The following RARB variants were observed in gnomAD, a reference collection of about 807,000 sequenced individuals.
RARB encodes the protein HBV-activated protein.
A neutral mutation model predicts 51.9 loss-of-function variants in RARB; 17 were observed. The ratio of observed to expected loss-of-function variants is 0.33; its 90% CI spans 0.22 to 0.49. The LOEUF (loss-of-function observed/expected upper bound fraction) is 0.49. Ranked by LOEUF, RARB falls within the 20% of genes least tolerant of loss-of-function variation. The pLI is 0.99. For synonymous variants in RARB, 215 were observed against 195.4 expected (o/e 1.10, Z -0.84); for missense variants, 369 against 550.8 (o/e 0.67, Z 3.30).
At chr3:25,171,126 A>C (rs1278660553) in intron 4 of RARB, among the ~76,000 whole-genome samples, 4 of 152,086 alleles carry the variant, frequency 2.6e-5, no homozygotes, top group Non-Finnish European at 5.9e-5. Flanking sequence ...ACAGATTCTG[A>C]AACTGATACC....
chr3:25,196,479 AT>A (rs1029469329), intron 5 of RARB, among the ~76,000 whole-genome samples: 2 of 152,138 alleles, frequency 1.3e-5, no homozygotes, highest in African/African-American at 4.8e-5. Flanking sequence ...ATTGATGGAC[AT>A]TTGGGTTGGT....
intron 4 of RARB, among the ~76,000 whole-genome samples, chr3:25,171,949 C>G (rs546247147): frequency 2.0e-5 from 3 of 152,020 alleles, no homozygotes; most frequent in Admixed American, 6.6e-5. Context: ...GAGATGAAAC[C>G]GATTCAGAGG....
intron 5 of RARB, among the ~76,000 whole-genome samples, chr3:25,420,747 G>C (rs1707835103): frequency 6.6e-6 from 1 of 152,118 alleles, no homozygotes; most frequent in Non-Finnish European, 1.5e-5. Flanking sequence ...ATGGGTATAT[G>C]AGCAAGTGGA....
intron 3 of RARB, among the ~76,000 whole-genome samples, chr3:25,124,443 T>C (rs1699831833): frequency 6.6e-6 from 1 of 152,188 alleles, no homozygotes; most frequent in Admixed American, 6.5e-5. Flanking sequence ...TCATTTCTTA[T>C]ATAATGAAAA....
chr3:25,533,838 C>T (rs1167393689), intron 3 of RARB, among the ~76,000 whole-genome samples: 25 of 152,180 alleles, frequency 1.6e-4, no homozygotes, highest in Admixed American at 1.6e-3. Context: ...AATGTAAACT[C>T]TTGGGCAAGA....
chr3:25,500,454 G>GTTTTTTTTTTTTCTTTTTTTTTTTT (rs1697244785), intron 2 of RARB, among the ~76,000 whole-genome samples: 1 of 66,144 alleles, frequency 1.5e-5, no homozygotes, highest in East Asian at 6.2e-4. Flanking sequence ...TTCTTTTCTT[G>GTTTTTTTTTTTTCTTTTTTTTTTTT]TTTTTTTTTT....
chr3:25,212,660 G>T (rs1206817073), intron 5 of RARB, among the ~76,000 whole-genome samples: 2 of 152,144 alleles, frequency 1.3e-5, no homozygotes, highest in Non-Finnish European at 1.5e-5. Flanking sequence ...GAGACAATGT[G>T]CTATCCAGAC....
In RARB at chr3:25,270,410, T is replaced by C. The variant is rs548156475; in HGVS notation, c.178+95835T>C. On this transcript the variant is annotated intron_variant, in intron 5 of 11. Coordinates refer to the RARB transcript ENST00000383772. ...CAAATAGTATGTAATTCCACTTATA[T>C]GAGGTACCTAAAGTAGTCAAATTCA... Among the ~76,000 whole-genome samples the C allele has an allele frequency of 2.6e-5, 4 of 152,278 alleles. No homozygotes were observed. In the South Asian group the frequency reaches 6.2e-4, roughly 24 times the overall value.
intron 5 of RARB, among the ~76,000 whole-genome samples, chr3:25,349,329 A>G (rs1437921733): frequency 6.6e-6 from 1 of 152,176 alleles, no homozygotes; most frequent in African/African-American, 2.4e-5. Context: ...TGTTGCCAGC[A>G]CTTTTCGAGG....
At chr3:25,576,415 T>C (rs1451548370) in intron 4 of RARB, among the ~76,000 whole-genome samples, 1 of 152,136 alleles carries the variant, frequency 6.6e-6, no homozygotes, top group Admixed American at 6.5e-5. Context: ...CACTCCAGAA[T>C]TCTAGCATTT....
chr3:24,916,508 T>C (rs1425597375), intron 2 of RARB, among the ~76,000 whole-genome samples: 3 of 152,166 alleles, frequency 2.0e-5, no homozygotes, highest in Non-Finnish European at 4.4e-5. Flanking sequence ...CTACTCCCTC[T>C]AGGTATATTG....
At chr3:25,106,115 GTTGT>G (rs1002013343) in intron 3 of RARB, among the ~76,000 whole-genome samples, 10 of 152,216 alleles carry the variant, frequency 6.6e-5, no homozygotes, top group African/African-American at 2.4e-4. Flanking sequence ...AGCTGAAGAG[GTTGT>G]TTGTTTCCCA....
At position 25,484,071 on chromosome 3, in the gene RARB, T is replaced by C. The variant is rs371579580; in HGVS notation, c.307-17111T>C. 2.2e-4 allele frequency among the ~76,000 whole-genome samples: 34 copies of C among 152,350 alleles called. 1 individual carries two copies. Among genetic ancestry groups the C allele is most frequent in the Middle Eastern group, 3.4e-3 (1 of 294 alleles). ...AATGTTCCGTTAGTGAAGGATGAGC[T>C]AAATTAAAAACTCCTGCTCTTTAGA... On this transcript the variant is annotated intron_variant, in intron 2 of 7. Coordinates refer to ENST00000330688, the MANE Select transcript of RARB (RefSeq NM_000965.5).
At chr3:25,507,484 T>A (rs146325645) in intron 3 of RARB, among the ~76,000 whole-genome samples, 1 of 152,198 alleles carries the variant, frequency 6.6e-6, no homozygotes, top group Non-Finnish European at 1.5e-5. Flanking sequence ...GACATGAGAA[T>A]TGATGCTTTT....
chr3:25,486,042 A>T (rs1696452733), intron 2 of RARB, among the ~76,000 whole-genome samples: 3 of 152,202 alleles, frequency 2.0e-5, no homozygotes, highest in Admixed American at 2.0e-4. Context: ...ATCAGATATG[A>T]TGCAGTTCCA....
intron 5 of RARB, among the ~76,000 whole-genome samples, chr3:25,323,399 T>A (rs1704626568): frequency 6.6e-6 from 1 of 152,234 alleles, no homozygotes; most frequent in Non-Finnish European, 1.5e-5. Context: ...TGTGCCACTT[T>A]TAGCAACAGG....
At chr3:24,869,186 C>T (rs1702901098) in intron 2 of RARB, among the ~76,000 whole-genome samples, 1 of 152,094 alleles carries the variant, frequency 6.6e-6, no homozygotes, top group African/African-American at 2.4e-5. Flanking sequence ...ACAGAATGTA[C>T]AATTAAAATC....
At position 25,048,705 on chromosome 3, in the gene RARB, A is replaced by G. The variant is rs1336478128; in HGVS notation, c.-379-11420A>G. ...CATCTGGCCACACTTCCATAATTTT[A>G]GGGGATTAAAAACGGCATATTTCTG... On this transcript the variant is annotated intron_variant, in intron 2 of 11. Coordinates refer to the RARB transcript ENST00000383772. Among the ~76,000 whole-genome samples, 4 of 149,298 alleles carry G rather than the reference A, an allele frequency of 2.7e-5. No individual in the cohort carries two copies. In the East Asian group the frequency reaches 8.0e-4, roughly 30 times the overall value.
intron 2 of RARB, among the ~76,000 whole-genome samples, chr3:25,044,529 A>G (rs1361699718): frequency 6.6e-6 from 1 of 152,198 alleles, no homozygotes; most frequent in Admixed American, 6.5e-5. Flanking sequence ...ACCTTGTCGT[A>G]GTAATCAGCC....
Sources: gnomAD v4.1 joint callset for allele counts (sites outside exome capture counted in the v4.1 genomes callset) on GRCh38, gnomAD v4.1.1 for gene constraint, MANE v1.5 for transcripts, NCBI Gene and HGNC (gene_info 2026-07-23, HGNC 2026-07-21) for gene names.